The following TMEM178B variants were observed in gnomAD, a reference collection of about 807,000 sequenced individuals.
The protein encoded by TMEM178B is transmembrane protein 178B.
Under a neutral mutation model 31.0 loss-of-function variants are expected in TMEM178B, and 5 were observed. The ratio of observed to expected loss-of-function variants is 0.16; its 90% confidence interval spans 0.08 to 0.34. The LOEUF (loss-of-function observed/expected upper bound fraction) is 0.34, where lower values mean the gene tolerates loss of function less well. Ranked by LOEUF, TMEM178B falls within the 10% of genes least tolerant of loss-of-function variation. The pLI is 1.00. For synonymous variants in TMEM178B, 164 were observed against 164.0 expected (o/e 1.00, Z 0.00); for missense variants, 275 against 400.3 (o/e 0.69, Z 2.67).
At chr7:141,158,660 T>A (rs1029082178) in intron 1 of TMEM178B, among the ~76,000 whole-genome samples, 11 of 152,212 alleles carry the variant, frequency 7.2e-5, no homozygotes, top group African/African-American at 2.7e-4. Flanking sequence ...GGTCACTCTC[T>A]GCCTGGAGCC....
chr7:141,112,891 T>G (rs754996701), intron 1 of TMEM178B, among the ~76,000 whole-genome samples: 4 of 152,196 alleles, frequency 2.6e-5, no homozygotes, highest in Non-Finnish European at 4.4e-5. Flanking sequence ...TTCATTTATC[T>G]TACTCCTCTA....
intron 2 of TMEM178B, among the ~76,000 whole-genome samples, chr7:141,400,282 G>A (rs771815870): frequency 6.6e-5 from 10 of 152,150 alleles, no homozygotes; most frequent in Admixed American, 1.3e-4. Context: ...GACCTAAGAC[G>A]GAGGTTCAAA....
chr7:141,470,610 C>T lies in TMEM178B; in HGVS notation c.709C>T (p.Leu237=), dbSNP rs745385583. 6.5e-7 allele frequency: 1 copy of T among 1,535,456 alleles called. No individual in the cohort carries two copies. The highest frequency in any genetic ancestry group is 1.2e-5 in the South Asian group (1 of 83,952). ...TGAGCTGTCACGCTACCCACGCTAC[C>T]TGTACGGACTCCCTGATGACATCAG... is the stretch of plus-strand genomic sequence containing the variant. ...NFELSRYPRY[L]YGLPDDISHG... The change falls in exon 4 of 4, where the codon CTG becomes TTG. Residue 237 remains leucine, a synonymous_variant. Coordinates refer to ENST00000565468, the MANE Select transcript of TMEM178B (RefSeq NM_001195278.2).
the TMEM178B span, among the ~76,000 whole-genome samples, chr7:141,486,332 A>C: frequency 3.3e-5 from 5 of 152,310 alleles, no homozygotes; most frequent in African/African-American, 1.2e-4. Context: ...GATACCCTTA[A>C]AGCCCTGACT....
At chr7:141,184,788 C>G (rs1052664488) in intron 1 of TMEM178B, among the ~76,000 whole-genome samples, 1 of 152,202 alleles carries the variant, frequency 6.6e-6, no homozygotes, top group Non-Finnish European at 1.5e-5. Context: ...CAAGTTTACA[C>G]GCAGTGACCC....
intron 1 of TMEM178B, among the ~76,000 whole-genome samples, chr7:141,092,197 C>A (rs1183563315): frequency 6.6e-6 from 1 of 152,036 alleles, no homozygotes; most frequent in South Asian, 2.1e-4. Context: ...TTCTTGGTTA[C>A]CCTACCAATT....
intron 1 of TMEM178B, among the ~76,000 whole-genome samples, chr7:141,159,259 G>A (rs1017222871): frequency 4.6e-5 from 7 of 152,062 alleles, no homozygotes; most frequent in African/African-American, 1.7e-4. Context: ...TCTATCCTAT[G>A]TGTTACCAAG....
chr7:141,353,753 CT>C (rs1259801994), intron 2 of TMEM178B, among the ~76,000 whole-genome samples: 2 of 152,190 alleles, frequency 1.3e-5, no homozygotes, highest in African/African-American at 2.4e-5. Flanking sequence ...GTGACCATAT[CT>C]TTTCAGCCTT....
chr7:141,436,490 C>G (rs1801542963), intron 2 of TMEM178B, among the ~76,000 whole-genome samples: 1 of 152,002 alleles, frequency 6.6e-6, no homozygotes, highest in African/African-American at 2.4e-5. Context: ...GGCACAGGCT[C>G]AGATGTGGAT....
At chr7:141,469,153 G>A (rs1802195711) in intron 3 of TMEM178B, among the ~76,000 whole-genome samples, 1 of 152,214 alleles carries the variant, frequency 6.6e-6, no homozygotes, top group South Asian at 2.1e-4. Flanking sequence ...TATGTCTGCA[G>A]CTCAATTTTA....
At position 141,174,231 on chromosome 7, in the gene TMEM178B, C is replaced by G. The variant is rs1586809189; in HGVS notation, c.383-38360C>G. Among the ~76,000 whole-genome samples, 4 of 152,096 alleles carry G rather than the reference C, an allele frequency of 2.6e-5. No individual in the cohort carries two copies. The East Asian group carries it at 5.8e-4, about 22-fold the overall frequency. On this transcript the variant is annotated intron_variant, in intron 1 of 3. Coordinates refer to ENST00000565468, the MANE Select transcript of TMEM178B (RefSeq NM_001195278.2). ...TGTGGTGTTTGGTTTACTGTTCTTG[C>G]ATTAGTTTGCTGAGAATGATGGTTT...
intron 2 of TMEM178B, among the ~76,000 whole-genome samples, chr7:141,247,246 A>G (rs1386165053): frequency 6.6e-6 from 1 of 152,070 alleles, no homozygotes; most frequent in Admixed American, 6.5e-5. Context: ...ATCAAGATAT[A>G]TGGCTATGTA....
Position 141,203,518 on chromosome 7 carries a change from A to G in TMEM178B, c.383-9073A>G, listed in dbSNP as rs554524359. Among the ~76,000 whole-genome samples the G allele has an allele frequency of 1.3e-4, 20 of 152,264 alleles. No homozygotes were observed. The South Asian group carries it at 3.9e-3, about 30-fold the overall frequency. ...CCTTTCTTTCTTTCCTCATCAGTGG[A>G]TGTATTGAGTTCCTTCCATGTACAA... On this transcript the variant is annotated intron_variant, in intron 1 of 3. Transcript: ENST00000565468.
chr7:141,474,108 T>C lies in TMEM178B; in HGVS notation c.*3322T>C, dbSNP rs534994505. On this transcript the variant is annotated 3_prime_UTR_variant, in exon 4 of 4. Coordinates refer to ENST00000565468, the MANE Select transcript of TMEM178B (RefSeq NM_001195278.2). Reference sequence around the variant, plus strand: ...CAAACTTCTTACTGGCATATGAACATGTATGTGCTTTGAGCTCCATGCAAG... The same window carrying C: ...CAAACTTCTTACTGGCATATGAACACGTATGTGCTTTGAGCTCCATGCAAG... The C allele has an allele frequency of 6.6e-6, 1 of 152,294 alleles. No homozygotes were observed. The highest frequency in any genetic ancestry group is 1.9e-4 in the East Asian group (1 of 5,186). 9.4% of individuals were successfully genotyped at this position (152,294 alleles called of 1,614,324 possible).
intron 1 of TMEM178B, among the ~76,000 whole-genome samples, chr7:141,115,155 G>A (rs1795298249): frequency 6.6e-6 from 1 of 152,128 alleles, no homozygotes; most frequent in Non-Finnish European, 1.5e-5. Flanking sequence ...TGATTCTCCT[G>A]CCTCAACCTC....
chr7:141,351,517 A>T (rs531036804), intron 2 of TMEM178B, among the ~76,000 whole-genome samples: 1 of 152,226 alleles, frequency 6.6e-6, no homozygotes, highest in South Asian at 2.1e-4. Flanking sequence ...CTGTTGCTCA[A>T]AGTAAGTCAC....
intron 2 of TMEM178B, among the ~76,000 whole-genome samples, chr7:141,435,165 A>G (rs367840673): frequency 1.3e-5 from 2 of 152,344 alleles, no homozygotes; most frequent in African/African-American, 4.8e-5. Context: ...GCTCCGGTAA[A>G]TGGAAAGACT....
chr7:141,236,819 C>T (rs377197494), intron 2 of TMEM178B, among the ~76,000 whole-genome samples: 5 of 152,136 alleles, frequency 3.3e-5, no homozygotes, highest in African/African-American at 7.2e-5. Context: ...TAGGTTTGTT[C>T]ACATTCAAAT....
At chr7:141,119,020 G>GTAT (rs1563092705) in intron 1 of TMEM178B, among the ~76,000 whole-genome samples, 1 of 152,174 alleles carries the variant, frequency 6.6e-6, no homozygotes, top group Non-Finnish European at 1.5e-5. Flanking sequence ...GGCAGGCCTT[G>GTAT]TATTAGTTTG....
Sources: gnomAD v4.1 joint callset for allele counts (sites outside exome capture counted in the v4.1 genomes callset) on GRCh38, gnomAD v4.1.1 for gene constraint, MANE v1.5 for transcripts, NCBI Gene and HGNC (gene_info 2026-07-23, HGNC 2026-07-21) for gene names.